ANO1: variants seen among roughly 807,000 people sequenced by gnomAD.
ANO1 encodes anoctamin 1.
In ANO1, 59 loss-of-function variants were observed where a neutral mutation model predicts 124.0. The ratio of observed to expected loss-of-function variants is 0.48; its 90% confidence interval spans 0.39 to 0.59. The LOEUF (loss-of-function observed/expected upper bound fraction) is 0.59. ANO1 is among the 20% of genes least tolerant of loss of function. The pLI, the probability that ANO1 is intolerant of heterozygous loss-of-function variation, is 0.00. For synonymous variants in ANO1, 529 were observed against 532.0 expected, an observed-to-expected ratio of 0.99 and a Z score of 0.08; for missense variants, 1,059 against 1,328.0, an observed-to-expected ratio of 0.80 and a Z score of 3.15.
At chr11:70,157,115 C>T (rs1315643186) in intron 16 of ANO1, 94 bp downstream of exon 16, 3 of 1,205,292 alleles carry the variant, frequency 2.5e-6, no homozygotes, top group East Asian at 2.6e-5. Flanking sequence ...GACTGTAATC[C>T]CAGCACTTTG....
upstream of ANO1, among the ~76,000 whole-genome samples, chr11:70,075,746 C>T (rs2044049180): frequency 6.6e-6 from 1 of 152,116 alleles, no homozygotes; most frequent in Non-Finnish European, 1.5e-5. Context: ...AGAGCCCCCA[C>T]GTATAAGCAG....
chr11:70,002,869 A>G (rs576889544), intron 1 of ANO1, among the ~76,000 whole-genome samples: 5 of 152,360 alleles, frequency 3.3e-5, no homozygotes, highest in Admixed American at 2.6e-4. Flanking sequence ...CAGGCAAAGT[A>G]AAGATCTGAG....
chr11:70,170,153 G>T (rs1021919865), intron 21 of ANO1: 1 of 456,426 alleles, frequency 2.2e-6, no homozygotes, highest in Non-Finnish European at 4.4e-6. Flanking sequence ...GGCTCTGGAA[G>T]ATTCAGCCAT....
chr11:70,151,873 C>T (rs2047614815), intron 12 of ANO1, among the ~76,000 whole-genome samples: 1 of 152,134 alleles, frequency 6.6e-6, no homozygotes, highest in South Asian at 2.1e-4. Flanking sequence ...TTCAGTCCAG[C>T]ACTGAAATTT....
intron 1 of ANO1, among the ~76,000 whole-genome samples, chr11:70,007,804 T>C (rs963109583): frequency 4.6e-5 from 7 of 152,338 alleles, no homozygotes; most frequent in Admixed American, 4.6e-4. Flanking sequence ...TTTTTCATTT[T>C]TTTAGGAACT....
intron 10 of ANO1, among the ~76,000 whole-genome samples, chr11:70,127,922 G>A: frequency 6.6e-6 from 1 of 152,222 alleles, no homozygotes; most frequent in East Asian, 1.9e-4. Context: ...ACCCTGCCCT[G>A]CAAGGGCTCC....
chr11:70,056,961 G>C (rs11232056), intron 1 of ANO1, among the ~76,000 whole-genome samples: 2 of 151,124 alleles, frequency 1.3e-5, no homozygotes, highest in African/African-American at 4.9e-5. Context: ...TTTGGCTTTG[G>C]AATTCCCATG....
At chr11:70,014,285 G>T (rs1856659823) in intron 1 of ANO1, among the ~76,000 whole-genome samples, 1 of 68,812 alleles carries the variant, frequency 1.5e-5, no homozygotes, top group African/African-American at 6.2e-5. Context: ...CCCCACCAAG[G>T]ACAACGTGCA....
rs868930594 is a variant in ANO1 at position 69,986,366 on chromosome 11, C to T, written c.58+200C>T. Among the ~76,000 whole-genome samples, 21 of 151,790 alleles carry T rather than the reference C, an allele frequency of 1.4e-4. 1 individual carries two copies. The highest frequency in any genetic ancestry group is 1.9e-4 in the Non-Finnish European group (13 of 67,900). ...GAAGGCGAGAGGGGAGGGACTGTGT[C>T]GGTCACAGGTCGCTGGGGCACTGAC... On this transcript the variant is annotated intron_variant, in intron 1 of 27. Coordinates refer to the ANO1 transcript ENST00000531349.
chr11:70,015,284 T>G (rs1243205522), intron 1 of ANO1: 1 of 152,152 alleles, frequency 6.6e-6, no homozygotes, highest in Non-Finnish European at 1.5e-5. Context: ...ATGTTTTCCC[T>G]CCTCTTTGGG....
intron 9 of ANO1, among the ~76,000 whole-genome samples, chr11:70,124,889 A>T (rs2515262): frequency 0.82 from 124,696 of 152,172 alleles, 51,270 homozygotes; most frequent in Middle Eastern, 0.89. Context: ...GCTTAATATG[A>T]GGAGCAATTG....
chr11:70,181,523 G>A (rs770625551), intron 23 of ANO1, among the ~76,000 whole-genome samples: 42 of 152,266 alleles, frequency 2.8e-4, no homozygotes, highest in Non-Finnish European at 5.4e-4. Flanking sequence ...GGCCCATGCT[G>A]TGCTGGAGTG....
intron 1 of ANO1, among the ~76,000 whole-genome samples, chr11:70,013,803 A>AG (rs1856645651): frequency 1.3e-5 from 2 of 150,158 alleles, no homozygotes; most frequent in African/African-American, 2.5e-5. Context: ...CTCCATCTAA[A>AG]AAAAAGAAAA....
At chr11:70,003,845 G>C (rs1226406440) in intron 1 of ANO1, among the ~76,000 whole-genome samples, 1 of 152,148 alleles carries the variant, frequency 6.6e-6, no homozygotes, top group African/African-American at 2.4e-5. Flanking sequence ...AGTAGGGACT[G>C]GATGGCTACC....
chr11:70,164,471 C>G (rs1258003330), intron 19 of ANO1, among the ~76,000 whole-genome samples: 1 of 152,186 alleles, frequency 6.6e-6, no homozygotes, highest in Non-Finnish European at 1.5e-5. Context: ...TGATGATCCC[C>G]TGTCACACTC....
At chr11:70,027,874 C>T (rs1397490224) in intron 1 of ANO1, among the ~76,000 whole-genome samples, 5 of 152,110 alleles carry the variant, frequency 3.3e-5, no homozygotes, top group African/African-American at 1.2e-4. Context: ...ATCCTTAGAG[C>T]ACAGCTTTAG....
At chr11:70,178,176 C>T (rs568683155) in intron 22 of ANO1, among the ~76,000 whole-genome samples, 14 of 152,340 alleles carry the variant, frequency 9.2e-5, no homozygotes, top group South Asian at 4.1e-4. Flanking sequence ...CTTAGGAGCT[C>T]GGAGTCCACG....
intron 1 of ANO1, among the ~76,000 whole-genome samples, chr11:70,018,641 A>T (rs1205141563): frequency 3.9e-5 from 6 of 152,180 alleles, no homozygotes; most frequent in African/African-American, 1.2e-4. Flanking sequence ...CATTGGAAGC[A>T]CAAGCAGAAA....
intron 11 of ANO1, among the ~76,000 whole-genome samples, chr11:70,132,473 C>T (rs955915991): frequency 1.2e-4 from 19 of 152,126 alleles, no homozygotes; most frequent in African/African-American, 4.6e-4. Context: ...GGCCAGGTCC[C>T]GGAGGCACCG....
Sources: gnomAD v4.1 joint callset for allele counts (sites outside exome capture counted in the v4.1 genomes callset) on GRCh38, gnomAD v4.1.1 for gene constraint, MANE v1.5 for transcripts, NCBI Gene and HGNC (gene_info 2026-07-23, HGNC 2026-07-21) for gene names.